The following SERPING1 variants were observed in gnomAD, a reference collection of about 807,000 sequenced individuals.
The protein encoded by SERPING1 is serpin family G member 1.
Under a neutral mutation model 34.1 loss-of-function variants are expected in SERPING1, and 5 were observed. The observed-to-expected ratio is 0.15, with a 90% CI of 0.08 to 0.31. The LOEUF is 0.31. Among genes scored for constraint, SERPING1 ranks in the 10% least tolerant of loss-of-function variants. SERPING1 has a pLI of 1.00. For synonymous variants in SERPING1, 225 were observed against 242.4 expected (o/e 0.93, Z 0.67); for missense variants, 505 against 609.5 (o/e 0.83, Z 1.81).
Position 57,606,186 on chromosome 11 carries a change from G to A in SERPING1, c.862G>A (p.Val288Ile), listed in dbSNP as rs775757014. ...CAGTCTGCCCTCCGATACCCGCCTT[G>A]TCCTCCTCAATGCTATCTACCTGAG... ...LDSLPSDTRLVLLNAIYLSAK... is the reference protein window; with the variant it reads ...LDSLPSDTRLILLNAIYLSAK... The change falls in exon 5 of 8, where the codon GTC becomes ATC. Residue 288 changes from valine to isoleucine, a missense_variant. Coordinates refer to ENST00000278407, the MANE Select transcript of SERPING1 (RefSeq NM_000062.3). 6.2e-7 allele frequency: 1 copy of A among 1,614,144 alleles called. No individual in the cohort carries two copies. The highest frequency in any genetic ancestry group is 2.2e-5 in the East Asian group (1 of 44,880).
In SERPING1 at chr11:57,614,716, C is replaced by T; in HGVS notation, c.*135C>T. On this transcript the variant is annotated 3_prime_UTR_variant, in exon 8 of 8. Transcript: ENST00000278407. ...GTCCGCTATCCACCAAAAGGGCTCCCTGAGGGTCTGGGCAAGGGACCTGCT... is the reference window on the plus strand; with the variant it reads ...GTCCGCTATCCACCAAAAGGGCTCCTTGAGGGTCTGGGCAAGGGACCTGCT... The T allele has an allele frequency of 9.3e-7, 1 of 1,069,740 alleles. No individual in the cohort carries two copies. The highest frequency in any genetic ancestry group is 1.3e-6 in the Non-Finnish European group (1 of 746,906). 66.3% of individuals were successfully genotyped at this position (1,069,740 alleles called of 1,614,324 possible).
At position 57,600,151 on chromosome 11, in the gene SERPING1, G is replaced by C; in HGVS notation, c.324G>C (p.Gln108His). 1 of 1,348,382 alleles carries C rather than the reference G, an allele frequency of 7.4e-7. No homozygotes were observed. Among genetic ancestry groups the C allele is most frequent in the Admixed American group, 2.0e-5 (1 of 51,248 alleles). 83.5% of individuals were successfully genotyped at this position (1,348,382 alleles called of 1,614,324 possible). A position where few individuals can be genotyped will look rare whatever the true frequency, so the allele number is the denominator to read the frequency against. ...TCCAACCCACCCAACCAACTACCCAGCTCCCAACAGATTCTCCTACCCAGC... is the reference window on the plus strand; with the variant it reads ...TCCAACCCACCCAACCAACTACCCACCTCCCAACAGATTCTCCTACCCAGC... ...PTIQPTQPTT[Q>H]LPTDSPTQPT... The change falls in exon 3 of 8, where the codon CAG becomes CAC. Residue 108 changes from glutamine to histidine, a missense_variant. By Grantham distance (24) the Gln-to-His change is conservative. Coordinates refer to ENST00000278407, the MANE Select transcript of SERPING1 (RefSeq NM_000062.3).
chr11:57,606,202 T>G lies in SERPING1; in HGVS notation c.878T>G (p.Ile293Ser). 1 of 1,614,168 alleles carries G rather than the reference T, an allele frequency of 6.2e-7. No homozygotes were observed. Among genetic ancestry groups the G allele is most frequent in the Non-Finnish European group, 8.5e-7 (1 of 1,180,004 alleles). ...ACCCGCCTTGTCCTCCTCAATGCTA[T>G]CTACCTGAGTGGTAAGGGTGCCCTT... is the stretch of plus-strand genomic sequence containing the variant. ...SDTRLVLLNA[I>S]YLSAKWKTTF... The change falls in exon 5 of 8, where the codon ATC (isoleucine) becomes AGC (serine). Residue 293 changes from isoleucine (I) to serine (S), a missense_variant. Physicochemically the swap from Ile to Ser is moderately radical, Grantham distance 142. Transcript: ENST00000278407.
chr11:57,599,577 C>A (rs1189005878), intron 2 of SERPING1, among the ~76,000 whole-genome samples: 1 of 152,220 alleles, frequency 6.6e-6, no homozygotes, highest in East Asian at 1.9e-4. Flanking sequence ...CACTCAGCTT[C>A]ACTGTTTGGA....
intron 7 of SERPING1, 118 bp downstream of exon 7, chr11:57,612,054 C>T (rs1032957564): frequency 3.4e-6 from 3 of 881,082 alleles, no homozygotes; most frequent in Non-Finnish European, 5.6e-6. Context: ...GTTTGTCCTG[C>T]AACCCTGCAA....
intron 6 of SERPING1, among the ~76,000 whole-genome samples, chr11:57,609,687 C>A (rs1945457577): frequency 1.3e-5 from 2 of 152,234 alleles, no homozygotes; most frequent in South Asian, 4.1e-4. Context: ...TTTCTATCTA[C>A]AAACATAATT....
chr11:57,609,977 G>A (rs1404289600), intron 6 of SERPING1, among the ~76,000 whole-genome samples: 1 of 152,122 alleles, frequency 6.6e-6, no homozygotes, highest in East Asian at 1.9e-4. Flanking sequence ...TCGTAATTAC[G>A]ACTGTGCTTG....
rs1945479693 is a variant in SERPING1 at position 57,611,849 on chromosome 11, A to T, written c.1162A>T (p.Met388Leu). 8.1e-6 allele frequency: 13 copies of T among 1,614,124 alleles called. No homozygotes were observed. Among genetic ancestry groups the T allele is most frequent in the Non-Finnish European group, 1.1e-5 (13 of 1,180,022 alleles). ...CAAGGCCATCATGGAGAAACTGGAG[A>T]TGTCCAAGTTCCAGCCCACTCTCCT... ...VFKAIMEKLE[M>L]SKFQPTLLTL... Residue 388 changes from methionine to leucine, a missense_variant, in exon 7 of 8, where the codon ATG becomes TTG. Coordinates refer to ENST00000278407, the MANE Select transcript of SERPING1 (RefSeq NM_000062.3).
At chr11:57,611,331 A>G (rs1945474105) in intron 6 of SERPING1, 1 of 292,190 alleles carries the variant, frequency 3.4e-6, no homozygotes, top group Non-Finnish European at 6.6e-6. Flanking sequence ...AGAGCCATCA[A>G]TAGTTTTTAC....
chr11:57,608,713 A>G (rs1356649267), intron 6 of SERPING1, among the ~76,000 whole-genome samples: 4 of 151,482 alleles, frequency 2.6e-5, no homozygotes, highest in African/African-American at 9.7e-5. Context: ...GGGTTTCACC[A>G]TGTTGGCCAG....
Position 57,599,763 on chromosome 11 carries a change from T to C in SERPING1, c.52-116T>C, listed in dbSNP as rs1475260901. The C allele has an allele frequency of 6.9e-6, 10 of 1,450,574 alleles. No homozygotes were observed. The African/African-American group carries it at 9.8e-5, about 14-fold the overall frequency. 89.9% of individuals were successfully genotyped at this position (1,450,574 alleles called of 1,614,324 possible). A position where few individuals can be genotyped will look rare whatever the true frequency, so the allele number is the denominator to read the frequency against. On this transcript the variant is annotated intron_variant, in intron 2 of 7. Transcript: ENST00000278407. ...TGCTCATCTGCCGCACTGTCAGAAATTACTCTCTTGTACAGGACATTTTCC... is the reference window on the plus strand; with the variant it reads ...TGCTCATCTGCCGCACTGTCAGAAACTACTCTCTTGTACAGGACATTTTCC...
chr11:57,605,951 G>A, intron 4 of SERPING1, 59 bp from the exon 5 acceptor site: 1 of 1,441,356 alleles, frequency 6.9e-7, no homozygotes, highest in Non-Finnish European at 9.8e-7. Flanking sequence ...CTCAAATCGT[G>A]CTCATGGAAA....
chr11:57,607,636 A>G (rs1210793560), intron 6 of SERPING1, among the ~76,000 whole-genome samples: 6 of 152,290 alleles, frequency 3.9e-5, no homozygotes, highest in Admixed American at 3.9e-4. Flanking sequence ...AGAGCTACTC[A>G]GTAAAAGTGG....
Position 57,600,135 on chromosome 11 carries a change from C to A in SERPING1, c.308C>A (p.Thr103Asn). ...ACCACCCAACCCACCATCCAACCCA[C>A]CCAACCAACTACCCAGCTCCCAACA... is the stretch of plus-strand genomic sequence containing the variant. ...EPTTQPTIQP[T>N]QPTTQLPTDS... is the part of the protein sequence containing the mutation. The change falls in exon 3 of 8, where the codon ACC becomes AAC. Residue 103 changes from threonine (T) to asparagine (N), a missense_variant. By Grantham distance (65) the Thr-to-Asn change is moderately conservative (BLOSUM62 0). Transcript: ENST00000278407. 6.2e-7 allele frequency: 1 copy of A among 1,613,314 alleles called. No individual in the cohort carries two copies. The highest frequency in any genetic ancestry group is 8.5e-7 in the Non-Finnish European group (1 of 1,179,762).
chr11:57,607,414 C>T (rs1945422973), intron 6 of SERPING1, among the ~76,000 whole-genome samples: 1 of 152,176 alleles, frequency 6.6e-6, no homozygotes, highest in Non-Finnish European at 1.5e-5. Context: ...TTATTATATT[C>T]ATTACACTCA....
chr11:57,606,244 C>T lies in SERPING1; in HGVS notation c.889+31C>T, dbSNP rs574595285. 17 of 1,612,716 alleles carry T rather than the reference C, an allele frequency of 1.1e-5. No homozygotes were observed. The Admixed American group carries it at 2.0e-4, about 19-fold the overall frequency. On this transcript the variant is annotated intron_variant, in intron 5 of 7. Coordinates refer to ENST00000278407, the MANE Select transcript of SERPING1 (RefSeq NM_000062.3). Reference sequence around the variant, plus strand: ...GGTGCCCTTAGCCAGTTAGTCTTCCCATTCTGGGTCCTTCTTCCCCTCCTG... The same window carrying T: ...GGTGCCCTTAGCCAGTTAGTCTTCCTATTCTGGGTCCTTCTTCCCCTCCTG...
chr11:57,608,068 G>C (rs1945431763), intron 6 of SERPING1, among the ~76,000 whole-genome samples: 1 of 152,154 alleles, frequency 6.6e-6, no homozygotes, highest in Non-Finnish European at 1.5e-5. Context: ...GACTCATTTA[G>C]CAGAACCAGG....
chr11:57,606,998 G>C (rs1474144155), intron 6 of SERPING1, among the ~76,000 whole-genome samples: 1 of 152,230 alleles, frequency 6.6e-6, no homozygotes, highest in Non-Finnish European at 1.5e-5. Context: ...AATGGCTTAA[G>C]TGCATTAGCA....
chr11:57,611,762 G>A lies in SERPING1; in HGVS notation c.1075G>A (p.Val359Ile). 5 of 1,614,170 alleles carry A rather than the reference G, an allele frequency of 3.1e-6. No individual in the cohort carries two copies. The highest frequency in any genetic ancestry group is 1.3e-5 in the African/African-American group (1 of 75,048). ...LSHNLSLVIL[V>I]PQNLKHRLED... ...CCACAATCTGAGTTTGGTGATCCTG[G>A]TACCCCAGAACCTGAAACATCGTCT... Residue 359 changes from valine to isoleucine, a missense_variant, in exon 7 of 8, where the codon GTA (valine) becomes ATA (isoleucine). Transcript: ENST00000278407.
Sources: allele counts gnomAD v4.1 joint callset (sites outside exome capture counted in the v4.1 genomes callset), GRCh38; gene constraint gnomAD v4.1.1; transcripts MANE v1.5; gene names NCBI Gene and HGNC (gene_info 2026-07-23, HGNC 2026-07-21).